The following ZZEF1 variants were observed in gnomAD, a reference collection of about 807,000 sequenced individuals.
ZZEF1 encodes the protein zinc finger ZZ-type and EF-hand domain containing 1.
A neutral mutation model predicts 342.8 loss-of-function variants in ZZEF1; 157 were observed. The observed-to-expected ratio is 0.46, with a 90% confidence interval of 0.40 to 0.52. ZZEF1 has a LOEUF of 0.52. Among genes scored for constraint, ZZEF1 ranks in the 20% least tolerant of loss-of-function variants. The pLI, the probability that ZZEF1 is intolerant of heterozygous loss-of-function variation, is 0.00. For synonymous variants in ZZEF1, 1,505 were observed against 1,429.1 expected, an observed-to-expected ratio of 1.05 and a Z score of -1.20; for missense variants, 3,480 against 3,725.6, an observed-to-expected ratio of 0.93 and a Z score of 1.72.
At position 4,142,690 on chromosome 17, in the gene ZZEF1, C is replaced by T. The variant is rs1162303851; in HGVS notation, c.206G>A (p.Cys69Tyr). The T allele has an allele frequency of 2.5e-6, 4 of 1,605,844 alleles. No homozygotes were observed. Among genetic ancestry groups the T allele is most frequent in the Non-Finnish European group, 2.5e-6 (3 of 1,179,074 alleles). Residue 69 changes from cysteine to tyrosine, a missense_variant, in exon 1 of 55, where the codon TGC becomes TAC. By Grantham distance (194) the Cys-to-Tyr change is radical. This residue lies in a region of ZZEF1 where 416 missense variants were observed against 374.2 expected (regional missense o/e 1.11). Transcript: ENST00000381638. ...AAAALLPTPPCESLVSRHRGA... is the reference protein window; with the variant it reads ...AAAALLPTPPYESLVSRHRGA... ...GCGATGCCTCGACACCAGCGACTCG[C>T]AGGGGGGTGTGGGCAGCAACGCTGC...
At chr17:4,070,100 T>G (rs758406360) in intron 26 of ZZEF1, among the ~76,000 whole-genome samples, 1 of 151,998 alleles carries the variant, frequency 6.6e-6, no homozygotes, top group Non-Finnish European at 1.5e-5. Context: ...CTAAGAGACA[T>G]GAGGAAAAGA....
intron 38 of ZZEF1, 50 bp from the exon 39 acceptor site, chr17:4,042,618 G>A: frequency 6.3e-7 from 1 of 1,584,862 alleles, no homozygotes. Context: ...CCACATGTAT[G>A]AAGAGGCAAG....
At chr17:4,134,091 T>G (rs1368029272) in intron 1 of ZZEF1, among the ~76,000 whole-genome samples, 1 of 152,012 alleles carries the variant, frequency 6.6e-6, no homozygotes, top group Non-Finnish European at 1.5e-5. Context: ...CAAAAACAAA[T>G]AATTTTGGCT....
chr17:4,062,774 G>C lies in ZZEF1; in HGVS notation c.4862C>G (p.Thr1621Ser), dbSNP rs767410645. ...PFILFLLELL[T>S]CQKDFTNYFG... is the part of the protein sequence containing the mutation. ...TTACTTGGTAAAATCTTTCTGACAG[G>C]TCAGAAGTTCCAACAGGAAAAGTAT... is the stretch of plus-strand genomic sequence containing the variant. Residue 1621 changes from threonine (T) to serine (S), a missense_variant, in exon 30 of 55, where the codon ACC becomes AGC. Thr to Ser is a moderately conservative substitution (Grantham distance 58). Transcript: ENST00000381638. 2 of 1,609,440 alleles carry C rather than the reference G, an allele frequency of 1.2e-6. No individual in the cohort carries two copies. The highest frequency in any genetic ancestry group is 1.7e-6 in the Non-Finnish European group (2 of 1,177,596).
At chr17:4,015,191 G>C (rs2056068411) in intron 49 of ZZEF1, among the ~76,000 whole-genome samples, 2 of 152,198 alleles carry the variant, frequency 1.3e-5, no homozygotes, top group Admixed American at 1.3e-4. Flanking sequence ...GGTGTCCAGG[G>C]TCAGTGGAGA....
rs367892374 is a variant in ZZEF1 at position 4,025,078 on chromosome 17, C to T, written c.6933G>A (p.Glu2311=). Residue 2311 remains glutamate (E), a synonymous_variant, in exon 43 of 55, where the codon GAG becomes GAA. Coordinates refer to ENST00000381638, the MANE Select transcript of ZZEF1 (RefSeq NM_015113.4). ...YQLVQKGGGQ[E]CGDSRAQLSQ... is the part of the protein sequence containing the mutation. ...TCAGCTGGGCCCGAGAGTCACCACACTCTTGTCCTCCTCCCTTCTGGACCA... is the reference window on the plus strand; with the variant it reads ...TCAGCTGGGCCCGAGAGTCACCACATTCTTGTCCTCCTCCCTTCTGGACCA... The T allele has an allele frequency of 9.5e-5, 154 of 1,614,174 alleles. 1 individual carries two copies. The South Asian group carries it at 1.6e-3, about 17-fold the overall frequency.
At chr17:4,073,253 T>A (rs1281700551) in intron 24 of ZZEF1, among the ~76,000 whole-genome samples, 3 of 152,260 alleles carry the variant, frequency 2.0e-5, no homozygotes, top group Non-Finnish European at 4.4e-5. Context: ...TTCTGAGTGT[T>A]AGGATTAAGG....
chr17:4,064,243 G>T, intron 29 of ZZEF1, 118 bp downstream of exon 29: 1 of 846,148 alleles, frequency 1.2e-6, no homozygotes, highest in Non-Finnish European at 1.8e-6. Context: ...TCTAAAACAA[G>T]TCTTGATCTA....
intron 37 of ZZEF1, among the ~76,000 whole-genome samples, chr17:4,047,330 C>T (rs2056939536): frequency 1.3e-5 from 2 of 152,204 alleles, no homozygotes; most frequent in Non-Finnish European, 2.9e-5. Flanking sequence ...ACTGCCCAAA[C>T]ATGGGACAAT....
In ZZEF1 at chr17:4,014,715, G is replaced by C. The variant is rs2056056157; in HGVS notation, c.8146-200C>G. On this transcript the variant is annotated intron_variant, in intron 49 of 54. Transcript: ENST00000381638. This position sits in a 1 kb window ranked among gnomAD's most constrained non-coding sequence, Gnocchi z 4.4. Reference sequence around the variant, plus strand: ...ATATGGTGCGAGGGAGGCACAGCGGGGCAGGCAACACGGGGCCCCAGAGAA... The same window carrying C: ...ATATGGTGCGAGGGAGGCACAGCGGCGCAGGCAACACGGGGCCCCAGAGAA... Among the ~76,000 whole-genome samples, 1 of 152,196 alleles carries C rather than the reference G, an allele frequency of 6.6e-6. No individual in the cohort carries two copies. Among genetic ancestry groups the C allele is most frequent in the Non-Finnish European group, 1.5e-5 (1 of 68,036 alleles).
chr17:4,079,838 C>A (rs1489581322), intron 18 of ZZEF1, among the ~76,000 whole-genome samples: 4 of 152,026 alleles, frequency 2.6e-5, no homozygotes, highest in African/African-American at 9.7e-5. Context: ...GTAAGGCACC[C>A]GCAAAAATGT....
chr17:4,096,245 G>A (rs989576011), intron 10 of ZZEF1, among the ~76,000 whole-genome samples: 3 of 151,904 alleles, frequency 2.0e-5, no homozygotes, highest in African/African-American at 7.3e-5. Flanking sequence ...CTGACACAGA[G>A]TAAATCATCA....
chr17:4,099,543 AT>A (rs35639314), intron 9 of ZZEF1, among the ~76,000 whole-genome samples: 3,569 of 131,878 alleles, frequency 0.027, 127 homozygotes, highest in Admixed American at 0.11. Context: ...TTTGACTGTG[AT>A]TTTTTTTTTT....
chr17:4,051,127 C>T (rs1199224820), intron 35 of ZZEF1, 84 bp from the exon 36 acceptor site: 1 of 1,594,534 alleles, frequency 6.3e-7, no homozygotes, highest in African/African-American at 1.3e-5. Context: ...CTTAGGAGAG[C>T]ATGTGGTCGC....
intron 1 of ZZEF1, among the ~76,000 whole-genome samples, chr17:4,134,828 C>T (rs1224192730): frequency 1.3e-5 from 2 of 151,868 alleles, no homozygotes; most frequent in African/African-American, 2.4e-5. Flanking sequence ...GGGGAAATGG[C>T]CCAGAAAAAA....
At position 4,112,074 on chromosome 17, in the gene ZZEF1, A is replaced by T. The variant is rs1362091728; in HGVS notation, c.1066+535T>A. Among the ~76,000 whole-genome samples, 2 of 46,146 alleles carry T rather than the reference A, an allele frequency of 4.3e-5. 1 individual carries two copies. Among genetic ancestry groups the T allele is most frequent in the Admixed American group, 4.1e-4 (2 of 4,858 alleles). 30.3% of individuals were successfully genotyped at this position (46,146 alleles called of 152,430 possible). ...TATATATATATATATATATATATAT[A>T]TATATATATATATATATATGTTTTG... On this transcript the variant is annotated intron_variant, in intron 5 of 54. Transcript: ENST00000381638.
chr17:4,066,642 T>C (rs1290059317), intron 27 of ZZEF1, 102 bp from the exon 28 acceptor site: 1 of 941,642 alleles, frequency 1.1e-6, no homozygotes, highest in Admixed American at 1.9e-5. Context: ...CACCACAGAG[T>C]ACTTCACAGT....
chr17:4,104,981 A>G (rs1240066264), intron 7 of ZZEF1, among the ~76,000 whole-genome samples, 170 bp from the exon 8 acceptor site: 1 of 152,232 alleles, frequency 6.6e-6, no homozygotes, highest in African/African-American at 2.4e-5. Flanking sequence ...GAAAAATTAA[A>G]TCAATCCAGA....
intron 13 of ZZEF1, 26 bp downstream of exon 13, chr17:4,088,652 C>T: frequency 6.2e-7 from 1 of 1,608,780 alleles, no homozygotes; most frequent in Non-Finnish European, 8.5e-7. Context: ...TAAAGGAATG[C>T]CGTCTAACAA....
Sources: allele counts gnomAD v4.1 joint callset (sites outside exome capture counted in the v4.1 genomes callset), GRCh38; gene constraint gnomAD v4.1.1; regional missense constraint gnomAD v4.1.1; non-coding constraint Gnocchi (gnomAD v3.1); transcripts MANE v1.5; gene names NCBI Gene and HGNC (gene_info 2026-07-23, HGNC 2026-07-21).